The following DOCK5 variants were observed in gnomAD, a reference collection of about 807,000 sequenced individuals.
DOCK5 encodes dedicator of cytokinesis 5.
In DOCK5, 142 loss-of-function variants were observed where a neutral mutation model predicts 251.8. That is an observed-to-expected ratio of 0.56 (90% CI 0.49 to 0.65). The LOEUF is 0.65. DOCK5 is among the 30% of genes least tolerant of loss of function. The probability of loss-of-function intolerance (pLI) is 0.00; values close to 1 mark genes in which losing one functional copy is unlikely to be tolerated. For missense variants in DOCK5, 2,111 were observed against 2,312.3 expected (o/e 0.91, Z 1.79); for synonymous variants, 842 against 835.5 (o/e 1.01, Z -0.13).
intron 5 of DOCK5, among the ~76,000 whole-genome samples, chr8:25,283,762 A>G (rs1053583305): frequency 4.9e-4 from 75 of 152,320 alleles, no homozygotes; most frequent in African/African-American, 1.8e-3. Flanking sequence ...ATTTCTCACC[A>G]TACATAGAGA....
At chr8:25,226,298 G>A (rs1302955533) in intron 1 of DOCK5, among the ~76,000 whole-genome samples, 4 of 111,892 alleles carry the variant, frequency 3.6e-5, no homozygotes, top group Non-Finnish European at 6.5e-5. Flanking sequence ...GTCTCACTCT[G>A]TCACCCAGGC....
intron 2 of DOCK5, among the ~76,000 whole-genome samples, chr8:25,252,090 T>G (rs1179912479): frequency 6.6e-6 from 1 of 152,198 alleles, no homozygotes; most frequent in Admixed American, 6.5e-5. Context: ...CTGCATTGGA[T>G]TATGATACAG....
chr8:25,390,030 G>A (rs1179222583), intron 41 of DOCK5, among the ~76,000 whole-genome samples, 176 bp from the exon 42 acceptor site: 1 of 149,732 alleles, frequency 6.7e-6, no homozygotes, highest in Non-Finnish European at 1.5e-5. Flanking sequence ...CACTGAATAA[G>A]GCATTCCAGT....
At chr8:25,309,036 C>T in intron 12 of DOCK5, 111 bp downstream of exon 12, 1 of 1,417,078 alleles carries the variant, frequency 7.1e-7, no homozygotes, top group Non-Finnish European at 9.4e-7. Context: ...AAAACAGCCT[C>T]TGCTGGGGAC....
Position 25,366,881 on chromosome 8 carries a change from T to C in DOCK5, c.3135T>C (p.Asn1045=), listed in dbSNP as rs756279609. ...QASFELQLWN[N]YFHLAVAFLT... ...TTAATTTTGAACAGCTCTGGAACAA[T>C]TACTTCCATTTGGCAGTTGCATTTC... The change falls in exon 31 of 52, where the codon AAT becomes AAC. Residue 1045 remains asparagine (N), a synonymous_variant. Transcript: ENST00000276440. 11 of 1,613,682 alleles carry C rather than the reference T, an allele frequency of 6.8e-6. No individual in the cohort carries two copies. The highest frequency in any genetic ancestry group is 9.3e-6 in the Non-Finnish European group (11 of 1,179,660).
rs140501880 is a variant in DOCK5 at position 25,216,033 on chromosome 8, C to T, written c.44-27641C>T. Reference sequence around the variant, plus strand: ...TATATATGTATACAACATGTATATACGTGTATACAATATGTATATATGTAT... The same window carrying T: ...TATATATGTATACAACATGTATATATGTGTATACAATATGTATATATGTAT... On this transcript the variant is annotated intron_variant, in intron 1 of 51. Transcript: ENST00000276440. 6.5e-3 allele frequency among the ~76,000 whole-genome samples: 968 copies of T among 149,968 alleles called. 7 individuals are homozygous for T. The highest frequency in any genetic ancestry group is 0.01 in the Non-Finnish European group (692 of 67,624).
At chr8:25,363,217 T>G in intron 29 of DOCK5, 76 bp downstream of exon 29, 1 of 1,236,106 alleles carries the variant, frequency 8.1e-7, no homozygotes, top group Non-Finnish European at 1.2e-6. Flanking sequence ...GGGAAATGTC[T>G]TTAAATCCCT....
chr8:25,363,164 C>A, intron 29 of DOCK5, 23 bp downstream of exon 29: 1 of 1,603,858 alleles, frequency 6.2e-7, no homozygotes, highest in Non-Finnish European at 8.5e-7. Flanking sequence ...ATGGCTGGCC[C>A]TGAGGCATTT....
intron 16 of DOCK5, among the ~76,000 whole-genome samples, chr8:25,321,859 T>C (rs1217641631): frequency 6.6e-6 from 1 of 152,158 alleles, no homozygotes; most frequent in African/African-American, 2.4e-5. Context: ...TAGGAAAGGC[T>C]ATATATACAT....
At chr8:25,286,943 A>C (rs1804351294) in intron 5 of DOCK5, among the ~76,000 whole-genome samples, 1 of 152,078 alleles carries the variant, frequency 6.6e-6, no homozygotes. Flanking sequence ...AGCCTCCCAA[A>C]GTGCTAAGAT....
chr8:25,275,403 A>G lies in DOCK5; in HGVS notation c.186A>G (p.Thr62=). Residue 62 remains threonine, a synonymous_variant, in exon 4 of 52, where the codon ACA becomes ACG. Transcript: ENST00000276440. ...CTCTGTAGGGCATTTTCCCTGAAAC[A>G]TATATCCATTTGAAAGAGGCAACTG... ...NKSKKGIFPE[T]YIHLKEATVE... 1 of 1,609,174 alleles carries G rather than the reference A, an allele frequency of 6.2e-7. No homozygotes were observed.
At chr8:25,339,115 A>G (rs1008808202) in intron 22 of DOCK5, among the ~76,000 whole-genome samples, 1 of 152,118 alleles carries the variant, frequency 6.6e-6, no homozygotes, top group Admixed American at 6.5e-5. Context: ...CTTAGATTTA[A>G]TGGTCACTTC....
intron 1 of DOCK5, among the ~76,000 whole-genome samples, chr8:25,240,781 C>A (rs1253334336): frequency 6.6e-6 from 1 of 152,162 alleles, no homozygotes. Context: ...GCTGCTGTGA[C>A]AAATTATACA....
intron 3 of DOCK5, 65 bp downstream of exon 3, chr8:25,268,950 T>C (rs1414389551): frequency 8.1e-6 from 11 of 1,360,382 alleles, no homozygotes; most frequent in Non-Finnish European, 1.1e-5. Flanking sequence ...TATTGTGCTA[T>C]GTGACCCTCT....
chr8:25,360,620 A>G (rs540407793), intron 28 of DOCK5, among the ~76,000 whole-genome samples: 35 of 152,134 alleles, frequency 2.3e-4, no homozygotes, highest in Non-Finnish European at 4.6e-4. Context: ...GTAAGATAGT[A>G]CCCACCTTGA....
intron 16 of DOCK5, among the ~76,000 whole-genome samples, chr8:25,321,495 T>C (rs1805423542): frequency 6.6e-6 from 1 of 152,186 alleles, no homozygotes; most frequent in South Asian, 2.1e-4. Context: ...CTGAGCTTGT[T>C]TTCCTGCAAC....
At chr8:25,227,320 T>G (rs1310123437) in intron 1 of DOCK5, among the ~76,000 whole-genome samples, 1 of 152,132 alleles carries the variant, frequency 6.6e-6, no homozygotes, top group Non-Finnish European at 1.5e-5. Flanking sequence ...TTTTATAAAT[T>G]TATTACTTGC....
intron 1 of DOCK5, among the ~76,000 whole-genome samples, chr8:25,207,519 T>G (rs1802029557): frequency 6.6e-6 from 1 of 152,230 alleles, no homozygotes; most frequent in South Asian, 2.1e-4. Flanking sequence ...TTCACCATTC[T>G]GAAAAATCTG....
intron 2 of DOCK5, among the ~76,000 whole-genome samples, chr8:25,258,825 A>G (rs1205857329): frequency 6.6e-6 from 1 of 152,212 alleles, no homozygotes; most frequent in Non-Finnish European, 1.5e-5. Context: ...TGATCATTAA[A>G]AAAATTAAAT....
Sources: gnomAD v4.1 joint callset for allele counts (sites outside exome capture counted in the v4.1 genomes callset) on GRCh38, gnomAD v4.1.1 for gene constraint, MANE v1.5 for transcripts, NCBI Gene and HGNC (gene_info 2026-07-23, HGNC 2026-07-21) for gene names.